The following SYCP2L variants were observed in gnomAD, a reference collection of about 807,000 sequenced individuals.
The protein encoded by SYCP2L is synaptonemal complex protein 2 like.
SYCP2L carries 98 observed loss-of-function variants against 125.8 expected under a neutral mutation model. The ratio of observed to expected loss-of-function variants is 0.78; its 90% CI spans 0.66 to 0.92. SYCP2L has a LOEUF of 0.92. Ranked by LOEUF, SYCP2L falls within the 40% of genes least tolerant of loss-of-function variation. The probability of loss-of-function intolerance (pLI) is 0.00; values close to 1 mark genes in which losing one functional copy is unlikely to be tolerated. For missense variants in SYCP2L, 842 were observed against 936.4 expected (o/e 0.90, Z 1.32); for synonymous variants, 317 against 325.4 (o/e 0.97, Z 0.28).
intron 23 of SYCP2L, among the ~76,000 whole-genome samples, chr6:10,947,785 A>C (rs77626282): frequency 0.027 from 4,134 of 152,202 alleles, 155 homozygotes; most frequent in East Asian, 0.2. Context: ...ATGTCTTAAA[A>C]ATAGCAGTGA....
chr6:10,903,559 A>G (rs999237520), intron 8 of SYCP2L, among the ~76,000 whole-genome samples: 1 of 151,738 alleles, frequency 6.6e-6, no homozygotes, highest in Non-Finnish European at 1.5e-5. Context: ...TAAAATAATA[A>G]TAATAAAAAA....
intron 14 of SYCP2L, among the ~76,000 whole-genome samples, chr6:10,920,834 T>C (rs973325774): frequency 2.0e-5 from 3 of 152,154 alleles, no homozygotes; most frequent in African/African-American, 4.8e-5. Flanking sequence ...GTTCCTTTTT[T>C]TTTTTCTTCA....
chr6:10,920,119 A>G (rs12523828), intron 14 of SYCP2L, among the ~76,000 whole-genome samples: 9,348 of 152,186 alleles, frequency 0.061, 364 homozygotes, highest in Non-Finnish European at 0.089. Flanking sequence ...TAGGTTGTAC[A>G]TTGACTGTTG....
chr6:10,898,052 G>A lies in SYCP2L; in HGVS notation c.378G>A (p.Ser126=), dbSNP rs576325078. Residue 126 remains serine, a synonymous_variant, in exon 5 of 30, where the codon TCG becomes TCA. Coordinates refer to ENST00000283141, the MANE Select transcript of SYCP2L (RefSeq NM_001040274.3). ...WFERTTGILT[S]EGLASDTSLI... Reference sequence around the variant, plus strand: ...AAAGAACAACAGGAATTCTGACCTCGGAAGGCCTAGCCTCAGACACGTCGC... The same window carrying A: ...AAAGAACAACAGGAATTCTGACCTCAGAAGGCCTAGCCTCAGACACGTCGC... 1.3e-4 allele frequency: 202 copies of A among 1,614,064 alleles called. No homozygotes were observed. The highest frequency in any genetic ancestry group is 5.2e-4 in the South Asian group (47 of 91,080).
intron 20 of SYCP2L, among the ~76,000 whole-genome samples, chr6:10,932,000 T>TC (rs1781005804): frequency 2.0e-5 from 3 of 149,020 alleles, no homozygotes; most frequent in Admixed American, 1.3e-4. Flanking sequence ...CTTTTTTTTT[T>TC]TTTTTTTAAC....
At chr6:10,928,512 A>G in intron 18 of SYCP2L, 62 bp downstream of exon 18, 5 of 1,477,814 alleles carry the variant, frequency 3.4e-6, no homozygotes, top group Non-Finnish European at 3.6e-6. Flanking sequence ...TGACAGGTGG[A>G]AGCCACCTTT....
chr6:10,969,008 G>A (rs1325083800), intron 29 of SYCP2L, among the ~76,000 whole-genome samples: 15 of 152,136 alleles, frequency 9.9e-5, no homozygotes, highest in Non-Finnish European at 1.5e-4. Flanking sequence ...CTTAGATGCA[G>A]TCTCTTGAAG....
intron 21 of SYCP2L, among the ~76,000 whole-genome samples, chr6:10,937,017 T>C (rs1193590784): frequency 1.3e-5 from 2 of 152,206 alleles, no homozygotes; most frequent in African/African-American, 2.4e-5. Context: ...CCACCTTCAA[T>C]AGTCGATAGA....
intron 21 of SYCP2L, among the ~76,000 whole-genome samples, chr6:10,936,038 A>T (rs1014866495): frequency 2.0e-5 from 2 of 100,780 alleles, no homozygotes; most frequent in Non-Finnish European, 4.7e-5. Flanking sequence ...ATATGATTTT[A>T]TTATTATTAA....
At chr6:10,960,984 A>G (rs1781583385) in intron 26 of SYCP2L, among the ~76,000 whole-genome samples, 1 of 152,160 alleles carries the variant, frequency 6.6e-6, no homozygotes, top group Admixed American at 6.6e-5. Flanking sequence ...AGGCTGAGGC[A>G]GGAGAACCAC....
chr6:10,908,032 G>A (rs1415896629), intron 10 of SYCP2L, among the ~76,000 whole-genome samples: 1 of 151,580 alleles, frequency 6.6e-6, no homozygotes, highest in Non-Finnish European at 1.5e-5. Context: ...GGGATTATAG[G>A]CACCTGCCAC....
intron 1 of SYCP2L, among the ~76,000 whole-genome samples, chr6:10,887,984 G>A (rs111880796): frequency 2.6e-4 from 38 of 145,094 alleles, no homozygotes; most frequent in African/African-American, 8.0e-4. Flanking sequence ...CCATTTTTAT[G>A]TGCCCAGGCA....
chr6:10,922,874 A>G (rs1286294528), intron 14 of SYCP2L: 3 of 152,296 alleles, frequency 2.0e-5, no homozygotes, highest in Middle Eastern at 3.4e-3. Context: ...AAAAAAGTAG[A>G]TTAAGTAGAT....
At chr6:10,889,718 T>G (rs965915685) in intron 1 of SYCP2L, among the ~76,000 whole-genome samples, 1 of 151,338 alleles carries the variant, frequency 6.6e-6, no homozygotes, top group Non-Finnish European at 1.5e-5. Context: ...CGTCCCGGGT[T>G]CAAGCGATTC....
chr6:10,908,388 TG>T (rs1380053912), intron 10 of SYCP2L, among the ~76,000 whole-genome samples: 4 of 152,126 alleles, frequency 2.6e-5, no homozygotes, highest in Non-Finnish European at 5.9e-5. Context: ...AAGAGTATTA[TG>T]GGGTGGTTGT....
chr6:10,930,177 A>C (rs144006777), intron 18 of SYCP2L, 193 bp from the exon 19 acceptor site: 16 of 493,912 alleles, frequency 3.2e-5, no homozygotes, highest in Non-Finnish European at 5.2e-5. Flanking sequence ...TACAACAGCA[A>C]CTTGGTTGAG....
rs1310944758 is a variant in SYCP2L, at chr6:10,898,762, AT to A, written c.442-60del. On this transcript the variant is annotated intron_variant, in intron 5 of 29. Coordinates refer to ENST00000283141, the MANE Select transcript of SYCP2L (RefSeq NM_001040274.3). Reference sequence around the variant, plus strand: ...AGAAAGTTAACACTAATACATTCACATTACGGTTTATCATGCTGTTTTAAAA... The same window carrying A: ...AGAAAGTTAACACTAATACATTCACATACGGTTTATCATGCTGTTTTAAAA... 5 of 1,103,152 alleles carry A rather than the reference AT, an allele frequency of 4.5e-6. No individual in the cohort carries two copies. In the East Asian group the frequency reaches 1.2e-4, roughly 27 times the overall value. 68.3% of individuals were successfully genotyped at this position (1,103,152 alleles called of 1,614,324 possible). A position where few individuals can be genotyped will look rare whatever the true frequency, so the allele number is the denominator to read the frequency against.
At chr6:10,914,738 G>GTTTT (rs34095541) in intron 14 of SYCP2L, among the ~76,000 whole-genome samples, 1 of 107,802 alleles carries the variant, frequency 9.3e-6, no homozygotes, top group African/African-American at 3.8e-5. Context: ...ATATCCCTAA[G>GTTTT]TTTTTTTTTT....
chr6:10,894,001 T>C lies in SYCP2L; in HGVS notation c.213T>C (p.Asn71=), dbSNP rs1449176588. The part of the protein sequence containing the change: ...LLLYRLDRSI[N]KELDKNEFQS... ...TATACCGTCTTGACAGATCAATAAA[T>C]AAGGCAAGTTGGTTTGCTTTGTGAC... The change falls in exon 3 of 30, where the codon AAT becomes AAC. Residue 71 remains asparagine (N), a synonymous_variant. Transcript: ENST00000283141. 12 of 1,603,600 alleles carry C rather than the reference T, an allele frequency of 7.5e-6. No homozygotes were observed. In the South Asian group the frequency reaches 1.3e-4, roughly 17 times the overall value.
Sources: gnomAD v4.1 joint callset for allele counts (sites outside exome capture counted in the v4.1 genomes callset) on GRCh38, gnomAD v4.1.1 for gene constraint, MANE v1.5 for transcripts, NCBI Gene and HGNC (gene_info 2026-07-23, HGNC 2026-07-21) for gene names.